The following NRXN3 variants were observed in gnomAD, a reference collection of about 807,000 sequenced individuals.
NRXN3 encodes neurexin 3.
A neutral mutation model predicts 137.6 loss-of-function variants in NRXN3; 32 were observed. The observed-to-expected ratio is 0.23, with a 90% CI of 0.18 to 0.31. The LOEUF (loss-of-function observed/expected upper bound fraction) is 0.31. NRXN3 is among the 10% of genes least tolerant of loss of function. The probability of loss-of-function intolerance (pLI) is 1.00; values close to 1 mark genes in which losing one functional copy is unlikely to be tolerated. For missense variants in NRXN3, 1,574 were observed against 2,062.5 expected, an observed-to-expected ratio of 0.76 and a Z score of 4.59; for synonymous variants, 798 against 784.5, an observed-to-expected ratio of 1.02 and a Z score of -0.29.
At chr14:79,703,319 T>C (rs1248981793) in intron 19 of NRXN3, among the ~76,000 whole-genome samples, 1 of 152,148 alleles carries the variant, frequency 6.6e-6, no homozygotes, top group Admixed American at 6.6e-5. Flanking sequence ...TCAGCCTTGA[T>C]ACTGATGATT....
intron 15 of NRXN3, among the ~76,000 whole-genome samples, chr14:79,262,151 C>G (rs1281610578): frequency 6.6e-6 from 1 of 152,060 alleles, no homozygotes; most frequent in Non-Finnish European, 1.5e-5. Flanking sequence ...CAGGATTAGT[C>G]TGAATTTCAT....
At chr14:78,479,002 CAGTT>C (rs1463400893) in intron 4 of NRXN3, among the ~76,000 whole-genome samples, 8 of 152,294 alleles carry the variant, frequency 5.3e-5, no homozygotes, top group African/African-American at 7.2e-5. Context: ...GAACAAAACA[CAGTT>C]AGAGAACTAG....
intron 10 of NRXN3, among the ~76,000 whole-genome samples, chr14:78,906,776 T>C (rs2152763128): frequency 6.6e-6 from 1 of 152,156 alleles, no homozygotes; most frequent in African/African-American, 2.4e-5. Flanking sequence ...CCCACTTGGC[T>C]GGAGCTGGGG....
chr14:78,865,283 A>G (rs930113949), intron 10 of NRXN3, among the ~76,000 whole-genome samples: 7 of 152,206 alleles, frequency 4.6e-5, no homozygotes, highest in African/African-American at 1.7e-4. Context: ...TATTGTATTA[A>G]CATTTCTATG....
chr14:79,219,104 A>G (rs1251403618), intron 15 of NRXN3, among the ~76,000 whole-genome samples: 1 of 151,988 alleles, frequency 6.6e-6, no homozygotes, highest in African/African-American at 2.4e-5. Context: ...TGTTAGTAAA[A>G]CACATAGATT....
chr14:78,412,929 G>A (rs913674163), intron 4 of NRXN3, among the ~76,000 whole-genome samples: 14 of 152,172 alleles, frequency 9.2e-5, no homozygotes, highest in African/African-American at 3.1e-4. Flanking sequence ...CATTTGCTTT[G>A]CTTTGCTTGA....
In NRXN3 at chr14:78,243,686, C is replaced by T. The variant is rs2067291133; in HGVS notation, c.593C>T (p.Ala198Val). The change falls in exon 2 of 21, where the codon GCC becomes GTC. Residue 198 changes from alanine (A) to valine (V), a missense_variant. Around this residue, in one of 5 missense-constraint regions of NRXN3, gnomAD observed 400 missense variants for 527.3 expected, o/e 0.76. Transcript: ENST00000335750. This position sits in a 1 kb window ranked among gnomAD's most constrained non-coding sequence, Gnocchi z 4.2. The stretch of plus-strand genomic sequence containing the variant: ...GGGAGCCGGGGTGTCCAGATGGATG[C>T]CGAGGGACCCTGTGGTGAGCGTCCC... ...LLGSRGVQMDAEGPCGERPCE... is the reference protein window; with the variant it reads ...LLGSRGVQMDVEGPCGERPCE... 1.9e-6 allele frequency: 3 copies of T among 1,598,284 alleles called. No homozygotes were observed. The South Asian group carries it at 3.3e-5, about 18-fold the overall frequency.
intron 4 of NRXN3, among the ~76,000 whole-genome samples, chr14:78,470,395 G>T (rs2095236509): frequency 1.3e-5 from 2 of 151,726 alleles, no homozygotes; most frequent in Non-Finnish European, 1.5e-5. Context: ...CAAAGTTATT[G>T]CTTCAAATAT....
At chr14:78,644,119 G>A (rs1181106623) in intron 4 of NRXN3, among the ~76,000 whole-genome samples, 2 of 137,458 alleles carry the variant, frequency 1.5e-5, no homozygotes, top group Non-Finnish European at 3.0e-5. Context: ...CCAGCCTGGT[G>A]ACAGAGCAAG....
intron 10 of NRXN3, among the ~76,000 whole-genome samples, chr14:78,911,664 A>G (rs1467159126): frequency 3.3e-5 from 5 of 152,168 alleles, no homozygotes; most frequent in Admixed American, 6.6e-5. Context: ...ATTTGAAAGC[A>G]TGTTATTTTC....
chr14:78,858,348 T>G (rs2099063203), intron 10 of NRXN3, among the ~76,000 whole-genome samples: 1 of 151,986 alleles, frequency 6.6e-6, no homozygotes, highest in Non-Finnish European at 1.5e-5. Flanking sequence ...CGTGATTGGG[T>G]GTGGAAATGG....
At chr14:79,029,629 A>G (rs1307372251) in intron 15 of NRXN3, among the ~76,000 whole-genome samples, 1 of 152,150 alleles carries the variant, frequency 6.6e-6, no homozygotes, top group East Asian at 1.9e-4. Flanking sequence ...TGTACTATGC[A>G]TTATAGGATA....
chr14:79,716,939 T>C (rs1456856516), intron 19 of NRXN3, among the ~76,000 whole-genome samples: 2 of 152,194 alleles, frequency 1.3e-5, no homozygotes, highest in African/African-American at 4.8e-5. Flanking sequence ...CCTCCAAACT[T>C]AGCTTATTTC....
intron 20 of NRXN3, among the ~76,000 whole-genome samples, chr14:79,831,590 T>TG (rs2099323815): frequency 6.6e-6 from 1 of 152,166 alleles, no homozygotes; most frequent in Non-Finnish European, 1.5e-5. Context: ...CTTCACTTAG[T>TG]ATGCCTGGAG....
intron 4 of NRXN3, among the ~76,000 whole-genome samples, chr14:78,519,993 T>A (rs905482507): frequency 6.6e-6 from 1 of 152,204 alleles, no homozygotes; most frequent in African/African-American, 2.4e-5. Context: ...AGTTGTGGGA[T>A]TCAAGAATAG....
At chr14:78,320,337 C>T (rs575091087) in intron 4 of NRXN3, among the ~76,000 whole-genome samples, 13 of 152,210 alleles carry the variant, frequency 8.5e-5, no homozygotes, top group South Asian at 4.2e-4. Context: ...GAAACAGGGA[C>T]GGAAATGAAT....
At position 79,438,169 on chromosome 14, in the gene NRXN3, T is replaced by A. The variant is rs534760774; in HGVS notation, c.3263-29052T>A. Among the ~76,000 whole-genome samples, 92 of 152,300 alleles carry A rather than the reference T, an allele frequency of 6.0e-4. 1 individual carries two copies. The highest frequency in any genetic ancestry group is 2.9e-3 in the Admixed American group (45 of 15,300). ...CTGCTGCCAGCTCTGGCACTTTGCCTGGGACTGTAGCCTTGTCTGGACTCC... is the reference window on the plus strand; with the variant it reads ...CTGCTGCCAGCTCTGGCACTTTGCCAGGGACTGTAGCCTTGTCTGGACTCC... On this transcript the variant is annotated intron_variant, in intron 15 of 20. Transcript: ENST00000335750.
At chr14:78,754,135 G>A (rs146672328) in intron 8 of NRXN3, among the ~76,000 whole-genome samples, 59 of 152,302 alleles carry the variant, frequency 3.9e-4, no homozygotes, top group Admixed American at 2.9e-3. Flanking sequence ...GAGGTTAGGC[G>A]TTAGTTTCGG....
intron 10 of NRXN3, among the ~76,000 whole-genome samples, chr14:78,938,970 G>T (rs185746871): frequency 2.4e-4 from 36 of 151,056 alleles, no homozygotes; most frequent in African/African-American, 8.3e-4. Context: ...CTCAGCCTCC[G>T]GAGTAGCTGG....
Sources: allele counts gnomAD v4.1 joint callset (sites outside exome capture counted in the v4.1 genomes callset), GRCh38; gene constraint gnomAD v4.1.1; regional missense constraint gnomAD v4.1.1; non-coding constraint Gnocchi (gnomAD v3.1); transcripts MANE v1.5; gene names NCBI Gene and HGNC (gene_info 2026-07-23, HGNC 2026-07-21).